Variants in PXDN observed in about 807,000 individuals in gnomAD.
PXDN encodes the protein peroxidasin homolog.
A neutral mutation model predicts 140.3 loss-of-function variants in PXDN; 77 were observed. The observed-to-expected ratio is 0.55, with a 90% CI of 0.46 to 0.66. The LOEUF is 0.66. PXDN is among the 30% of genes least tolerant of loss of function. The pLI, the probability that PXDN is intolerant of heterozygous loss-of-function variation, is 0.00. For missense variants in PXDN, 1,838 were observed against 2,039.5 expected, an observed-to-expected ratio of 0.90 and a Z score of 1.90; for synonymous variants, 911 against 857.4, an observed-to-expected ratio of 1.06 and a Z score of -1.09.
At chr2:1,726,688 T>C (rs1471728189) in intron 1 of PXDN, among the ~76,000 whole-genome samples, 1 of 152,248 alleles carries the variant, frequency 6.6e-6, no homozygotes, top group African/African-American at 2.4e-5. Flanking sequence ...TTACATGTTT[T>C]AGATGCTAAC....
At chr2:1,652,084 C>T (rs564530664) in intron 16 of PXDN, among the ~76,000 whole-genome samples, 1 of 152,202 alleles carries the variant, frequency 6.6e-6, no homozygotes, top group South Asian at 2.1e-4. Flanking sequence ...TCTGTCTTTC[C>T]CTGAGTCTAA....
At chr2:1,635,353 G>A in intron 22 of PXDN, 55 bp downstream of exon 22, 2 of 1,460,356 alleles carry the variant, frequency 1.4e-6, no homozygotes, top group Non-Finnish European at 9.4e-7. Flanking sequence ...GGTCACATGG[G>A]ACTCTCGGAC....
chr2:1,699,050 G>C (rs147559343), intron 1 of PXDN, among the ~76,000 whole-genome samples: 1 of 152,168 alleles, frequency 6.6e-6, no homozygotes, highest in East Asian at 1.9e-4. Context: ...AAGAATTGTA[G>C]TGTTTGGAAC....
chr2:1,673,526 G>A (rs1400396930), intron 9 of PXDN, 117 bp downstream of exon 9: 1 of 1,361,672 alleles, frequency 7.3e-7, no homozygotes, highest in Non-Finnish European at 1.0e-6. Flanking sequence ...TGGTACTGGA[G>A]CTTCAACTTC....
chr2:1,635,785 G>A, intron 21 of PXDN: 1 of 460,706 alleles, frequency 2.2e-6, no homozygotes. Flanking sequence ...AGAGGACTGT[G>A]GGAGCAAGAT....
intron 1 of PXDN, among the ~76,000 whole-genome samples, chr2:1,706,999 A>C (rs1198171378): frequency 7.5e-6 from 1 of 133,916 alleles, no homozygotes; most frequent in East Asian, 2.4e-4. Context: ...ATCAGCTCTA[A>C]GCATCACCTG....
chr2:1,634,829 G>A (rs961066443), intron 22 of PXDN, among the ~76,000 whole-genome samples: 5 of 152,194 alleles, frequency 3.3e-5, no homozygotes, highest in African/African-American at 7.2e-5. Flanking sequence ...CCGGGCTGGC[G>A]CGCTGTCCTC....
intron 1 of PXDN, among the ~76,000 whole-genome samples, chr2:1,728,190 A>G (rs894569499): frequency 1.3e-5 from 2 of 152,206 alleles, no homozygotes; most frequent in Non-Finnish European, 2.9e-5. Flanking sequence ...CATCCGCCTC[A>G]GCCTCCCAAA....
At chr2:1,656,919 G>C (rs1457910997) in intron 14 of PXDN, among the ~76,000 whole-genome samples, 1 of 144,582 alleles carries the variant, frequency 6.9e-6, no homozygotes, top group Non-Finnish European at 1.5e-5. Context: ...ACTGGAACCT[G>C]TCCCCTCCTG....
intron 4 of PXDN, among the ~76,000 whole-genome samples, chr2:1,686,790 A>G (rs1684069350): frequency 1.3e-5 from 2 of 152,114 alleles, no homozygotes; most frequent in South Asian, 4.1e-4. Flanking sequence ...TCCCCCCTGC[A>G]CCGCTTGGCC....
Position 1,638,903 on chromosome 2 carries a change from AT to A in PXDN, c.4148del (p.Asn1383MetfsTer21). The A allele has an allele frequency of 6.2e-7, 1 of 1,613,930 alleles. No homozygotes were observed. Among genetic ancestry groups the A allele is most frequent in the Non-Finnish European group, 8.5e-7 (1 of 1,179,874 alleles). ...FSTRSDASGT[N>X]DFREFVLEMQ... ...TTTCCAGAACAAACTCTCTGAAGTC[AT>A]TTGTCCCAGATGCATCTGAGCGTGT... On this transcript the variant is annotated frameshift_variant, in exon 21 of 23. Transcript: ENST00000252804. LOFTEE classifies it high-confidence loss of function.
chr2:1,689,402 A>G (rs959709398), intron 3 of PXDN, among the ~76,000 whole-genome samples: 1 of 152,248 alleles, frequency 6.6e-6, no homozygotes, highest in East Asian at 1.9e-4. Context: ...GAATCTTTTT[A>G]AAGAATACAC....
chr2:1,693,454 C>T (rs1487308640), intron 1 of PXDN, among the ~76,000 whole-genome samples: 1 of 152,210 alleles, frequency 6.6e-6, no homozygotes, highest in African/African-American at 2.4e-5. Flanking sequence ...ATAATAAACA[C>T]AGGTTAGGTT....
rs767926847 is a variant in PXDN, at chr2:1,680,248, G to A, written c.675C>T (p.Pro225=). ...CCACTGAGCGTCCCTGGATGCGTCT[G>A]GGATATTCACAGATGGCCGCTGCCT... ...NAQAAAICEY[P]RRIQGRSVAT... is the part of the protein sequence containing the mutation. Residue 225 remains proline (P), a synonymous_variant, in exon 7 of 23, where the codon CCC becomes CCT. Transcript: ENST00000252804. 5.6e-6 allele frequency: 9 copies of A among 1,612,080 alleles called. No homozygotes were observed. The East Asian group carries it at 1.6e-4, about 28-fold the overall frequency.
At chr2:1,699,887 C>A (rs1572169696) in intron 1 of PXDN, among the ~76,000 whole-genome samples, 1 of 152,232 alleles carries the variant, frequency 6.6e-6, no homozygotes, top group African/African-American at 2.4e-5. Flanking sequence ...GTGATGGGAA[C>A]TCTTGCCTTT....
intron 1 of PXDN, among the ~76,000 whole-genome samples, chr2:1,697,692 C>T (rs1684329926): frequency 6.6e-6 from 1 of 152,202 alleles, no homozygotes. Flanking sequence ...CCCTGGGGCT[C>T]CGTGCTCCCA....
At chr2:1,715,855 C>T (rs1348822082) in intron 1 of PXDN, among the ~76,000 whole-genome samples, 1 of 152,158 alleles carries the variant, frequency 6.6e-6, no homozygotes, top group Non-Finnish European at 1.5e-5. Context: ...AAAATGTGTG[C>T]GTATGACACA....
At position 1,648,066 on chromosome 2, in the gene PXDN, G is replaced by T; in HGVS notation, c.3608+106C>A. 1 of 1,439,034 alleles carries T rather than the reference G, an allele frequency of 6.9e-7. No homozygotes were observed. 89.1% of individuals were successfully genotyped at this position (1,439,034 alleles called of 1,614,324 possible). On this transcript the variant is annotated intron_variant, in intron 17 of 22. Coordinates refer to ENST00000252804, the MANE Select transcript of PXDN (RefSeq NM_012293.3). The surrounding 1 kb of genome is among the most constrained non-coding windows in gnomAD (Gnocchi z 8.9). ...CTTGACCTTCATCTCACCTCTGCAC[G>T]ACACGAACAAAACTCACACACAGAG...
At chr2:1,635,300 CG>C in intron 22 of PXDN, 107 bp downstream of exon 22, 2 of 891,596 alleles carry the variant, frequency 2.2e-6, no homozygotes, top group South Asian at 1.4e-5. Context: ...CACAGGTAGG[CG>C]GGGAGGGGCC....
Sources: allele counts gnomAD v4.1 joint callset (sites outside exome capture counted in the v4.1 genomes callset), GRCh38; gene constraint gnomAD v4.1.1; non-coding constraint Gnocchi (gnomAD v3.1); transcripts MANE v1.5; gene names NCBI Gene and HGNC (gene_info 2026-07-23, HGNC 2026-07-21).